Variants in DPP9 observed in about 807,000 individuals in gnomAD.
The protein encoded by DPP9 is dipeptidyl peptidase 9, also known as dipeptidyl peptidase IV-related protein-2.
Under a neutral mutation model 110.7 loss-of-function variants are expected in DPP9, and 50 were observed. The observed-to-expected ratio is 0.45, with a 90% CI of 0.36 to 0.57. The LOEUF (loss-of-function observed/expected upper bound fraction) is 0.57, where lower values mean the gene tolerates loss of function less well. Ranked by LOEUF, DPP9 falls within the 20% of genes least tolerant of loss-of-function variation. DPP9 has a pLI of 0.00. For missense variants in DPP9, 1,022 were observed against 1,217.9 expected (o/e 0.84, Z 2.39); for synonymous variants, 561 against 514.4 (o/e 1.09, Z -1.23).
At chr19:4,711,772 CAAAAAAAAAAAAAAA>C (rs752279327) in intron 4 of DPP9, among the ~76,000 whole-genome samples, 8 of 44,336 alleles carry the variant, frequency 1.8e-4, no homozygotes, top group African/African-American at 7.0e-4. Context: ...GACTCCATCT[CAAAAAAAAAAAAAAA>C]AAAAAAAAAA....
chr19:4,712,627 G>A (rs897729711), intron 4 of DPP9, among the ~76,000 whole-genome samples: 1 of 152,182 alleles, frequency 6.6e-6, no homozygotes, highest in Non-Finnish European at 1.5e-5. Context: ...CTGTTGCGGT[G>A]ACTCTCCTGC....
chr19:4,680,235 C>CA (rs71168922), intron 20 of DPP9, among the ~76,000 whole-genome samples: 1,114 of 70,632 alleles, frequency 0.016, 16 homozygotes, highest in East Asian at 0.02. Flanking sequence ...GACAGCATCT[C>CA]AAAAAAAAAA....
Position 4,687,278 on chromosome 19 carries a change from T to C in DPP9, c.1885+1479A>G, listed in dbSNP as rs1202493109. Among the ~76,000 whole-genome samples the C allele has an allele frequency of 6.6e-6, 1 of 152,096 alleles. No homozygotes were observed. The highest frequency in any genetic ancestry group is 1.5e-5 in the Non-Finnish European group (1 of 68,006). On this transcript the variant is annotated intron_variant, in intron 16 of 21. Coordinates refer to ENST00000262960, the MANE Select transcript of DPP9 (RefSeq NM_139159.5). The surrounding 1 kb of genome is among the most constrained non-coding windows in gnomAD (Gnocchi z 4.7). ...CCGCATATGCTGGAAATTCGTTGTG[T>C]TTAGAATGTTCTGGAAACCCACCAA...
intron 21 of DPP9, among the ~76,000 whole-genome samples, chr19:4,677,540 C>G (rs910511023): frequency 1.3e-5 from 2 of 152,218 alleles, no homozygotes; most frequent in South Asian, 4.1e-4. Context: ...CCCTCCTCTA[C>G]TCTTGCCTTC....
chr19:4,714,889 C>G (rs1204939054), intron 3 of DPP9, among the ~76,000 whole-genome samples: 2 of 152,132 alleles, frequency 1.3e-5, no homozygotes, highest in African/African-American at 4.8e-5. Context: ...CCAAATGAGC[C>G]TTCACTCAGC....
chr19:4,683,959 TGC>T lies in DPP9; in HGVS notation c.2179-332_2179-331del, dbSNP rs551412025. 99 of 656,616 alleles carry T rather than the reference TGC, an allele frequency of 1.5e-4. No homozygotes were observed. The East Asian group carries it at 4.0e-3, about 27-fold the overall frequency. The allele number at this position is 656,616 out of a possible 1,614,324, so 40.7% of individuals were successfully genotyped here. On this transcript the variant is annotated intron_variant, in intron 18 of 21. Coordinates refer to ENST00000262960, the MANE Select transcript of DPP9 (RefSeq NM_139159.5). ...AGGGCACAAGGAAGAAAAAGACGGG[TGC>T]CCAGGCATGTGCAAGGGCACAAAGA...
rs2092793721 is a variant in DPP9 at position 4,710,760 on chromosome 19, G to A, written c.313+3321C>T. 6.6e-6 allele frequency among the ~76,000 whole-genome samples: 1 copy of A among 152,164 alleles called. No homozygotes were observed. Among genetic ancestry groups the A allele is most frequent in the African/African-American group, 2.4e-5 (1 of 41,448 alleles). ...CCCCGAGAACCTGGATGTGACGTGA[G>A]CTCAGTGCTGCCCCTGACAGTGTGA... On this transcript the variant is annotated intron_variant, in intron 4 of 21. Coordinates refer to ENST00000262960, the MANE Select transcript of DPP9 (RefSeq NM_139159.5). This position sits in a 1 kb window ranked among gnomAD's most constrained non-coding sequence, Gnocchi z 5.6.
intron 10 of DPP9, among the ~76,000 whole-genome samples, chr19:4,697,911 C>T (rs1176711540): frequency 6.6e-6 from 1 of 152,146 alleles, no homozygotes; most frequent in Non-Finnish European, 1.5e-5. Flanking sequence ...GACATAGACA[C>T]ATAGAGGGAA....
rs1325014331 is a variant in DPP9 at position 4,685,276 on chromosome 19, C to T, written c.2031+350G>A. ...CTAAGATGGTCCAACTGCCAATCTGCTGCCTGCTTTTGACCCCTGCTCCAG... is the reference window on the plus strand; with the variant it reads ...CTAAGATGGTCCAACTGCCAATCTGTTGCCTGCTTTTGACCCCTGCTCCAG... On this transcript the variant is annotated intron_variant, in intron 17 of 21. Transcript: ENST00000262960. The surrounding 1 kb of genome is among the most constrained non-coding windows in gnomAD (Gnocchi z 5.8). The T allele has an allele frequency of 9.3e-6, 5 of 539,278 alleles. No homozygotes were observed. The highest frequency in any genetic ancestry group is 3.1e-5 in the South Asian group (2 of 65,336). The allele number at this position is 539,278 out of a possible 1,614,324, so 33.4% of individuals were successfully genotyped here. A position where few individuals can be genotyped will look rare whatever the true frequency, so the allele number is the denominator to read the frequency against.
At position 4,683,597 on chromosome 19, in the gene DPP9, G is replaced by A. The variant is rs1308525404; in HGVS notation, c.2211C>T (p.Gly737=). ...GQVEIEDQVE[G]LQFVAEKYGF... Reference sequence around the variant, plus strand: ...CATACTTCTCGGCCACGAACTGCAGGCCCTCCACCTGGTCCTCGATCTCCA... The same window carrying A: ...CATACTTCTCGGCCACGAACTGCAGACCCTCCACCTGGTCCTCGATCTCCA... The change falls in exon 19 of 22, where the codon GGC becomes GGT. Residue 737 remains glycine, a synonymous_variant. Coordinates refer to ENST00000262960, the MANE Select transcript of DPP9 (RefSeq NM_139159.5). The A allele has an allele frequency of 1.2e-6, 2 of 1,613,040 alleles. No individual in the cohort carries two copies. Among genetic ancestry groups the A allele is most frequent in the Non-Finnish European group, 8.5e-7 (1 of 1,179,728 alleles).
At position 4,684,573 on chromosome 19, in the gene DPP9, C is replaced by G. The variant is rs1218590554; in HGVS notation, c.2178+90G>C. ...GAAGTGCCCTTCTGCGGGTGGTATT[C>G]CAGAGCCGCTCCCATGCCCTGCACC... On this transcript the variant is annotated intron_variant, in intron 18 of 21. Transcript: ENST00000262960. This position sits in a 1 kb window ranked among gnomAD's most constrained non-coding sequence, Gnocchi z 4.8. The G allele has an allele frequency of 1.3e-6, 2 of 1,497,158 alleles. No individual in the cohort carries two copies. The highest frequency in any genetic ancestry group is 1.3e-5 in the South Asian group (1 of 79,546). 92.7% of individuals were successfully genotyped at this position (1,497,158 alleles called of 1,614,324 possible). A position where few individuals can be genotyped will look rare whatever the true frequency, so the allele number is the denominator to read the frequency against.
intron 9 of DPP9, 138 bp downstream of exon 9, chr19:4,701,889 G>A: frequency 7.9e-7 from 1 of 1,264,234 alleles, no homozygotes; most frequent in South Asian, 1.5e-5. Flanking sequence ...CAGGGCAGAA[G>A]CCTTCCTTCT....
At chr19:4,702,776 G>C (rs1486368660) in intron 7 of DPP9, 60 bp from the exon 8 acceptor site, 1 of 1,080,246 alleles carries the variant, frequency 9.3e-7, no homozygotes, top group East Asian at 3.3e-5. Flanking sequence ...ACTGGGGACA[G>C]CCAGGGGCTC....
At position 4,695,994 on chromosome 19, in the gene DPP9, A is replaced by T. The variant is rs1252218134; in HGVS notation, c.1176-439T>A. Among the ~76,000 whole-genome samples the T allele has an allele frequency of 6.6e-6, 1 of 152,106 alleles. No individual in the cohort carries two copies. Among genetic ancestry groups the T allele is most frequent in the Non-Finnish European group, 1.5e-5 (1 of 68,024 alleles). On this transcript the variant is annotated intron_variant, in intron 11 of 21. Transcript: ENST00000262960. The surrounding 1 kb of genome is among the most constrained non-coding windows in gnomAD (Gnocchi z 4.7). ...CAGCTCACTGCAACCTCCACATCCCAGGTTCAAGCGATTCTCCTGCCTCAG... is the reference window on the plus strand; with the variant it reads ...CAGCTCACTGCAACCTCCACATCCCTGGTTCAAGCGATTCTCCTGCCTCAG...
intron 3 of DPP9, chr19:4,717,492 A>G (rs890458033): frequency 5.3e-5 from 8 of 152,248 alleles, no homozygotes; most frequent in Admixed American, 4.6e-4. Context: ...TCACGGCAGC[A>G]AAGAAAAAAT....
At position 4,705,894 on chromosome 19, in the gene DPP9, C is replaced by G; in HGVS notation, c.390G>C (p.Leu130=). 1 of 1,613,978 alleles carries G rather than the reference C, an allele frequency of 6.2e-7. No individual in the cohort carries two copies. Among genetic ancestry groups the G allele is most frequent in the Non-Finnish European group, 8.5e-7 (1 of 1,179,864 alleles). ...IPKKVRKEAL[L]LLSWKQMLDH... ...CCAGCATCTGCTTCCAGGACAGGAG[C>G]AGCAGAGCCTCTTTCCGGACCTTCT... Residue 130 remains leucine, a synonymous_variant, in exon 5 of 22, where the codon CTG becomes CTC. Transcript: ENST00000262960.
intron 18 of DPP9, chr19:4,683,890 TC>T: frequency 7.2e-7 from 1 of 1,395,954 alleles, no homozygotes; most frequent in Non-Finnish European, 9.7e-7. Flanking sequence ...AGTTTGCCCA[TC>T]CCTAATAAAG....
intron 2 of DPP9, among the ~76,000 whole-genome samples, chr19:4,720,891 C>T (rs772642914): frequency 6.6e-6 from 1 of 152,236 alleles, no homozygotes. Context: ...GCATTCTAAA[C>T]GAGGGGGACC....
At position 4,697,663 on chromosome 19, in the gene DPP9, C is replaced by T; in HGVS notation, c.1075-12G>A. 4 of 1,612,846 alleles carry T rather than the reference C, an allele frequency of 2.5e-6. No homozygotes were observed. The highest frequency in any genetic ancestry group is 1.1e-5 in the South Asian group (1 of 91,008). On this transcript the variant is annotated splice_polypyrimidine_tract_variant and intron_variant, in intron 10 of 21. Transcript: ENST00000262960. ...TGGGTCGAGACGATCTGAAGGGAAA[C>T]AAACAGGTGTGGGTCATGCCCTGGC...
Sources: gnomAD v4.1 joint callset for allele counts (sites outside exome capture counted in the v4.1 genomes callset) on GRCh38, gnomAD v4.1.1 for gene constraint, Gnocchi (gnomAD v3.1) non-coding constraint, MANE v1.5 for transcripts, NCBI Gene and HGNC (gene_info 2026-07-23, HGNC 2026-07-21) for gene names.